RYR3: variants seen among roughly 807,000 people sequenced by gnomAD.
RYR3 encodes ryanodine receptor 3, also known as brain ryanodine receptor-calcium release channel.
RYR3 carries 207 observed loss-of-function variants against 584.3 expected under a neutral mutation model. That is an observed-to-expected ratio of 0.35 (90% CI 0.32 to 0.40). RYR3 has a LOEUF of 0.40. RYR3 is among the 10% of genes least tolerant of loss of function. The probability of loss-of-function intolerance (pLI) is 1.00; values close to 1 mark genes in which losing one functional copy is unlikely to be tolerated. For synonymous variants in RYR3, 2,416 were observed against 2,248.5 expected (o/e 1.07, Z -2.11); for missense variants, 5,616 against 6,089.2 (o/e 0.92, Z 2.59).
At chr15:33,690,711 G>A (rs750715748) in intron 38 of RYR3, among the ~76,000 whole-genome samples, 3 of 152,228 alleles carry the variant, frequency 2.0e-5, no homozygotes, top group East Asian at 1.9e-4. Flanking sequence ...ATATAGATCC[G>A]TGGTTCTCAA....
chr15:33,530,780 T>G, intron 4 of RYR3, 114 bp downstream of exon 4: 1 of 756,788 alleles, frequency 1.3e-6, no homozygotes, highest in African/African-American at 1.7e-5. Context: ...GGAACATAAC[T>G]AATTTTAGCA....
At chr15:33,470,404 A>G (rs544287911) in intron 1 of RYR3, among the ~76,000 whole-genome samples, 10 of 152,128 alleles carry the variant, frequency 6.6e-5, no homozygotes, top group Non-Finnish European at 1.3e-4. Flanking sequence ...AAAATAAGTT[A>G]CCAGGAAATC....
intron 94 of RYR3, chr15:33,851,920 T>A (rs1198942315): frequency 6.6e-6 from 1 of 152,208 alleles, no homozygotes; most frequent in East Asian, 1.9e-4. Context: ...AGATAAAATA[T>A]TAGCAGTTTA....
In RYR3 at chr15:33,852,905, A is replaced by C. The variant is rs935486490; in HGVS notation, c.13629-140A>C. 3 of 714,708 alleles carry C rather than the reference A, an allele frequency of 4.2e-6. No homozygotes were observed. The African/African-American group carries it at 5.4e-5, about 13-fold the overall frequency. The allele number at this position is 714,708 out of a possible 1,614,324, so 44.3% of individuals were successfully genotyped here. On this transcript the variant is annotated intron_variant, in intron 94 of 103. Transcript: ENST00000634891. The stretch of plus-strand genomic sequence containing the variant: ...AGAGCCTGTGATGACTCTGAACTTC[A>C]ATCAGATCTTAAAATTCTTTGGTGA...
chr15:33,392,621 C>G (rs1401249483), intron 1 of RYR3, among the ~76,000 whole-genome samples: 1 of 152,154 alleles, frequency 6.6e-6, no homozygotes, highest in Non-Finnish European at 1.5e-5. Flanking sequence ...ATCATTAACT[C>G]TCTGCCACTT....
chr15:33,592,440 T>G (rs2059176653), intron 16 of RYR3, among the ~76,000 whole-genome samples: 1 of 152,132 alleles, frequency 6.6e-6, no homozygotes, highest in African/African-American at 2.4e-5. Flanking sequence ...GGATCACACT[T>G]GAAATAAGGA....
Position 33,503,011 on chromosome 15 carries a change from G to T in RYR3, c.172-620G>T, listed in dbSNP as rs764642704. Among the ~76,000 whole-genome samples, 24 of 152,150 alleles carry T rather than the reference G, an allele frequency of 1.6e-4. 1 individual carries two copies. The highest frequency in any genetic ancestry group is 1.4e-3 in the Admixed American group (22 of 15,276). On this transcript the variant is annotated intron_variant, in intron 2 of 103. Transcript: ENST00000634891. ...AACTGTTAAGAAATGTCCCAGAATA[G>T]GCATGAATGTCACGATGTTAACTGG...
Position 33,748,186 on chromosome 15 carries a change from A to G in RYR3, c.8062A>G (p.Arg2688Gly). ...TMLAVGWTVE[R>G]TKEGEALVQQ... ...GCTGGCTGTGGGCTGGACTGTGGAG[A>G]GGACCAAAGAGGGAGAAGCTTTGGT... Residue 2688 changes from arginine (R) to glycine (G), a missense_variant, in exon 54 of 104, where the codon AGG (arginine) becomes GGG (glycine). Physicochemically the swap from Arg to Gly is moderately radical, Grantham distance 125 (BLOSUM62 -2). Around this residue, in one of 9 missense-constraint regions of RYR3, gnomAD observed 1,280 missense variants for 1,426.2 expected, o/e 0.90. Coordinates refer to ENST00000634891, the MANE Select transcript of RYR3 (RefSeq NM_001036.6). The G allele has an allele frequency of 6.2e-7, 1 of 1,613,798 alleles. No individual in the cohort carries two copies. Among genetic ancestry groups the G allele is most frequent in the Non-Finnish European group, 8.5e-7 (1 of 1,179,724 alleles).
chr15:33,356,568 A>G (rs1974003265), intron 1 of RYR3, among the ~76,000 whole-genome samples: 1 of 152,224 alleles, frequency 6.6e-6, no homozygotes, highest in Non-Finnish European at 1.5e-5. Context: ...AAACAAAATT[A>G]TGTATAATCT....
At chr15:33,622,163 G>A (rs184039415) in intron 19 of RYR3, among the ~76,000 whole-genome samples, 5 of 152,164 alleles carry the variant, frequency 3.3e-5, no homozygotes, top group Admixed American at 2.0e-4. Context: ...ATTTCCTTAC[G>A]TTAAAACCCA....
At chr15:33,836,841 G>A in intron 87 of RYR3, 65 bp from the exon 88 acceptor site, 6 of 1,320,636 alleles carry the variant, frequency 4.5e-6, no homozygotes, top group Admixed American at 1.9e-5. Flanking sequence ...GGCTCTTCTC[G>A]CTCACTGCCC....
chr15:33,566,946 A>C, intron 12 of RYR3, 147 bp downstream of exon 12: 1 of 950,988 alleles, frequency 1.1e-6, no homozygotes. Flanking sequence ...CTTGAGACTG[A>C]AACATATTTC....
chr15:33,564,821 G>T (rs8034176), intron 11 of RYR3, among the ~76,000 whole-genome samples: 18,056 of 152,148 alleles, frequency 0.12, 1,399 homozygotes, highest in African/African-American at 0.22. Context: ...AATTTGGGAG[G>T]TGCTTTTATA....
intron 1 of RYR3, among the ~76,000 whole-genome samples, chr15:33,359,770 C>A (rs1156959005): frequency 6.6e-6 from 1 of 151,988 alleles, no homozygotes; most frequent in African/African-American, 2.4e-5. Flanking sequence ...AGGCGCCCAC[C>A]ACCAAGCCTG....
At chr15:33,807,649 A>G in intron 70 of RYR3, 80 bp downstream of exon 70, 1 of 1,369,582 alleles carries the variant, frequency 7.3e-7, no homozygotes, top group Non-Finnish European at 1.0e-6. Flanking sequence ...CACTGTGATC[A>G]CCATGGGGGT....
chr15:33,422,668 G>A (rs966198441), intron 1 of RYR3, among the ~76,000 whole-genome samples: 10 of 152,168 alleles, frequency 6.6e-5, no homozygotes, highest in Middle Eastern at 3.4e-3. Context: ...AGAGAACCTC[G>A]CACATCCTGG....
At position 33,860,603 on chromosome 15, in the gene RYR3, A is replaced by G. The variant is rs1260277745; in HGVS notation, c.14308A>G (p.Ile4770Val). The change falls in exon 101 of 104, where the codon ATT becomes GTT. Residue 4770 changes from isoleucine to valine, a missense_variant. Ile to Val is a conservative substitution (Grantham distance 29). This residue lies in a region of RYR3 where 918 missense variants were observed against 887.4 expected (regional missense o/e 1.03). Coordinates refer to ENST00000634891, the MANE Select transcript of RYR3 (RefSeq NM_001036.6). ...ILLAIIQGLI[I>V]DAFGELRDQQ... ...TGTATTTAACATTCCAGGTCTTATT[A>G]TTGATGCTTTCGGAGAGCTAAGAGA... 1 of 1,585,004 alleles carries G rather than the reference A, an allele frequency of 6.3e-7. No individual in the cohort carries two copies. Among genetic ancestry groups the G allele is most frequent in the East Asian group, 2.3e-5 (1 of 44,240 alleles).
chr15:33,433,987 A>G (rs1408930744), intron 1 of RYR3, among the ~76,000 whole-genome samples: 1 of 152,204 alleles, frequency 6.6e-6, no homozygotes, highest in Non-Finnish European at 1.5e-5. Flanking sequence ...TTCAAGTGCA[A>G]CAATTTGAAC....
In RYR3 at chr15:33,583,838, G is replaced by A. The variant is rs1276638877; in HGVS notation, c.1574-557G>A. Among the ~76,000 whole-genome samples the A allele has an allele frequency of 2.0e-5, 3 of 152,000 alleles. No homozygotes were observed. In the South Asian group the frequency reaches 6.2e-4, roughly 32 times the overall value. On this transcript the variant is annotated intron_variant, in intron 14 of 103. Transcript: ENST00000634891. ...AGGCTGAGGCAGGTGGATCACTTGA[G>A]GTCAGGAGTTCGAGACCAGCCTGGC... is the stretch of plus-strand genomic sequence containing the variant.
Sources: allele counts gnomAD v4.1 joint callset (sites outside exome capture counted in the v4.1 genomes callset), GRCh38; gene constraint gnomAD v4.1.1; regional missense constraint gnomAD v4.1.1; transcripts MANE v1.5; gene names NCBI Gene and HGNC (gene_info 2026-07-23, HGNC 2026-07-21).